Variants in ZNF724 observed in about 807,000 individuals in gnomAD.
The protein encoded by ZNF724 is zinc finger protein 724.
A neutral mutation model predicts 29.3 loss-of-function variants in ZNF724; 14 were observed. The observed-to-expected ratio is 0.48, with a 90% CI of 0.32 to 0.75. ZNF724 has a LOEUF of 0.75. Among genes scored for constraint, ZNF724 ranks in the 30% least tolerant of loss-of-function variants. The probability of loss-of-function intolerance (pLI) is 0.04; values close to 1 mark genes in which losing one functional copy is unlikely to be tolerated. For synonymous variants in ZNF724, 180 were observed against 193.6 expected (o/e 0.93, Z 0.58); for missense variants, 557 against 571.2 (o/e 0.98, Z 0.25).
At chr19:23,233,312 G>A (rs1266699563) in intron 1 of ZNF724, among the ~76,000 whole-genome samples, 2 of 152,158 alleles carry the variant, frequency 1.3e-5, no homozygotes, top group African/African-American at 2.4e-5. Flanking sequence ...GCACCCTAGA[G>A]AACAGGTATC....
At chr19:23,244,507 A>C (rs534985691) in intron 1 of ZNF724, among the ~76,000 whole-genome samples, 2 of 152,234 alleles carry the variant, frequency 1.3e-5, no homozygotes, top group South Asian at 4.1e-4. Flanking sequence ...GAAGACCTGG[A>C]ATCAGAAAAC....
At chr19:23,242,759 G>T (rs1972152489) in intron 1 of ZNF724, 1 of 144,348 alleles carries the variant, frequency 6.9e-6, no homozygotes, top group Non-Finnish European at 1.5e-5. Context: ...AATAATACAG[G>T]CCGGGCGTGG....
At chr19:23,244,506 G>A (rs1259742298) in intron 1 of ZNF724, among the ~76,000 whole-genome samples, 2 of 152,104 alleles carry the variant, frequency 1.3e-5, no homozygotes, top group Non-Finnish European at 2.9e-5. Flanking sequence ...AGAAGACCTG[G>A]AATCAGAAAA....
chr19:23,243,436 A>C (rs1244902078), intron 1 of ZNF724, among the ~76,000 whole-genome samples: 2 of 138,468 alleles, frequency 1.4e-5, no homozygotes, highest in Non-Finnish European at 3.0e-5. Context: ...AGATCGCGCC[A>C]CTGCACTCCA....
At position 23,232,315 on chromosome 19, in the gene ZNF724, A is replaced by G. The variant is rs770775667; in HGVS notation, c.4-22T>C. 5 of 1,171,068 alleles carry G rather than the reference A, an allele frequency of 4.3e-6. No individual in the cohort carries two copies. In the African/African-American group the frequency reaches 6.1e-5, roughly 14 times the overall value. 72.5% of individuals were successfully genotyped at this position (1,171,068 alleles called of 1,614,324 possible). A position where few individuals can be genotyped will look rare whatever the true frequency, so the allele number is the denominator to read the frequency against. ...GTCCCTGAAAAGTACACACACACAT[A>G]TTTACGAAGTGGCCATGGGCAAAAT... On this transcript the variant is annotated intron_variant, in intron 1 of 3. Coordinates refer to ENST00000418100, the MANE Select transcript of ZNF724 (RefSeq NM_001355404.2).
At chr19:23,237,931 G>GT (rs1365008723) in intron 1 of ZNF724, among the ~76,000 whole-genome samples, 1 of 152,080 alleles carries the variant, frequency 6.6e-6, no homozygotes, top group Non-Finnish European at 1.5e-5. Flanking sequence ...TGGATAATCA[G>GT]TTTTTTGTCA....
chr19:23,237,105 G>C (rs1299535704), intron 1 of ZNF724, among the ~76,000 whole-genome samples: 2 of 152,044 alleles, frequency 1.3e-5, no homozygotes, highest in African/African-American at 2.4e-5. Flanking sequence ...TGTCCACCTT[G>C]GCCTCCCAAA....
In ZNF724 at chr19:23,223,021, G is replaced by C; in HGVS notation, c.1224C>G (p.His408Gln). Residue 408 changes from histidine (H) to glutamine (Q), a missense_variant, in exon 4 of 4, where the codon CAC (histidine) becomes CAG (glutamine). Around this residue, in one of 3 missense-constraint regions of ZNF724, gnomAD observed 362 missense variants for 295.5 expected, o/e 1.22. Coordinates refer to ENST00000418100, the MANE Select transcript of ZNF724 (RefSeq NM_001355404.2). ...ECGKAFNTSS[H>Q]LTTHKRIHTG... ...TATGAATTCTTTTATGTGTGGTGAG[G>C]TGTGAGGATGTGTTAAAGGCTTTGC... The C allele has an allele frequency of 3.0e-6, 4 of 1,323,802 alleles. No individual in the cohort carries two copies. Among genetic ancestry groups the C allele is most frequent in the Non-Finnish European group, 4.4e-6 (4 of 917,076 alleles). 82.0% of individuals were successfully genotyped at this position (1,323,802 alleles called of 1,614,324 possible). A position where few individuals can be genotyped will look rare whatever the true frequency, so the allele number is the denominator to read the frequency against.
At chr19:23,240,769 T>C (rs943885900) in intron 1 of ZNF724, among the ~76,000 whole-genome samples, 1 of 147,368 alleles carries the variant, frequency 6.8e-6, no homozygotes, top group Non-Finnish European at 1.5e-5. Flanking sequence ...CAGTGGTTCA[T>C]GCCTGTAATC....
chr19:23,231,632 G>C (rs1175832251), intron 2 of ZNF724, among the ~76,000 whole-genome samples: 1 of 152,032 alleles, frequency 6.6e-6, no homozygotes, highest in East Asian at 1.9e-4. Flanking sequence ...CACTAATTTA[G>C]AGTGAAGGAT....
intron 3 of ZNF724, among the ~76,000 whole-genome samples, chr19:23,227,222 GTATGTTATTCT>G (rs1319365773): frequency 1.2e-3 from 181 of 151,992 alleles, no homozygotes; most frequent in Non-Finnish European, 1.5e-3. Flanking sequence ...TGTTTTAAAT[GTATGTTATTCT>G]TATACAAAAT....
At chr19:23,232,987 T>C (rs566780390) in intron 1 of ZNF724, among the ~76,000 whole-genome samples, 4 of 152,238 alleles carry the variant, frequency 2.6e-5, no homozygotes, top group African/African-American at 9.6e-5. Flanking sequence ...AATAATTAAC[T>C]GTATAGTGAA....
At chr19:23,240,491 T>A (rs920254425) in intron 1 of ZNF724, among the ~76,000 whole-genome samples, 1 of 151,818 alleles carries the variant, frequency 6.6e-6, no homozygotes, top group African/African-American at 2.4e-5. Flanking sequence ...GTGCACTAGG[T>A]CCAAACAGAC....
chr19:23,240,104 G>C (rs761068508), intron 1 of ZNF724, among the ~76,000 whole-genome samples: 27 of 151,982 alleles, frequency 1.8e-4, no homozygotes, highest in Non-Finnish European at 3.4e-4. Context: ...CTGAGGTCAG[G>C]AGTTTGAGAC....
At chr19:23,226,342 C>A (rs1032326338) in intron 3 of ZNF724, among the ~76,000 whole-genome samples, 1 of 152,022 alleles carries the variant, frequency 6.6e-6, no homozygotes, top group South Asian at 2.1e-4. Flanking sequence ...TGAGCCACCA[C>A]GCCCAGCCCG....
chr19:23,236,783 T>C (rs1014703011), intron 1 of ZNF724: 2 of 152,180 alleles, frequency 1.3e-5, no homozygotes, highest in Non-Finnish European at 2.9e-5. Context: ...TCTGTTGCTC[T>C]CTCGTCTCCT....
At chr19:23,230,067 AT>A (rs1261857560) in intron 3 of ZNF724, among the ~76,000 whole-genome samples, 2 of 152,150 alleles carry the variant, frequency 1.3e-5, no homozygotes, top group East Asian at 3.8e-4. Flanking sequence ...ATTAACATAC[AT>A]TTATAAGATA....
chr19:23,225,332 T>C (rs1352234180), intron 3 of ZNF724, among the ~76,000 whole-genome samples: 2 of 152,112 alleles, frequency 1.3e-5, no homozygotes, highest in Non-Finnish European at 2.9e-5. Context: ...TGGCCGTGCA[T>C]AGTGGCTCAC....
At chr19:23,235,066 A>G (rs1455381290) in intron 1 of ZNF724, among the ~76,000 whole-genome samples, 1 of 152,226 alleles carries the variant, frequency 6.6e-6, no homozygotes, top group African/African-American at 2.4e-5. Context: ...GAAAGTAGCA[A>G]TGCCTGAATA....
Sources: gnomAD v4.1 joint callset for allele counts (sites outside exome capture counted in the v4.1 genomes callset) on GRCh38, gnomAD v4.1.1 for gene constraint, gnomAD v4.1.1 regional missense constraint, MANE v1.5 for transcripts, NCBI Gene and HGNC (gene_info 2026-07-23, HGNC 2026-07-21) for gene names.